CCDC149: variants seen among roughly 807,000 people sequenced by gnomAD.
CCDC149 encodes coiled-coil domain containing 149.
In CCDC149, 45 loss-of-function variants were observed where a neutral mutation model predicts 59.9. The observed-to-expected ratio is 0.75, with a 90% CI of 0.59 to 0.96. The LOEUF (loss-of-function observed/expected upper bound fraction) is 0.96. Ranked by LOEUF, CCDC149 falls within the 40% of genes least tolerant of loss-of-function variation. The probability of loss-of-function intolerance (pLI) is 0.00; values close to 1 mark genes in which losing one functional copy is unlikely to be tolerated. For synonymous variants in CCDC149, 245 were observed against 260.6 expected (o/e 0.94, Z 0.58); for missense variants, 584 against 664.7 (o/e 0.88, Z 1.33).
intron 1 of CCDC149, among the ~76,000 whole-genome samples, chr4:24,890,326 C>T (rs1329592233): frequency 1.3e-5 from 2 of 152,124 alleles, no homozygotes; most frequent in Non-Finnish European, 2.9e-5. Context: ...CCCCCCTTTA[C>T]AGGCGAAGAA....
intron 2 of CCDC149, 125 bp downstream of exon 2, chr4:24,876,411 T>C (rs1719442778): frequency 1.9e-6 from 2 of 1,033,114 alleles, no homozygotes; most frequent in Non-Finnish European, 2.8e-6. Flanking sequence ...TGACTTTTAC[T>C]TCTAAATTTT....
At chr4:24,906,401 T>TTTTATTTATTTTATTTTATTTTATTTTA (rs58407964) in intron 1 of CCDC149, among the ~76,000 whole-genome samples, 3 of 102,108 alleles carry the variant, frequency 2.9e-5, no homozygotes, top group South Asian at 3.6e-4. Context: ...TTTTATTTTA[T>TTTTATTTATTTTATTTTATTTTATTTTA]TTTATTTTAC....
chr4:24,833,865 T>C (rs978277542), intron 8 of CCDC149, among the ~76,000 whole-genome samples: 72 of 152,226 alleles, frequency 4.7e-4, no homozygotes, highest in African/African-American at 1.7e-3. Context: ...TGTTTACTAA[T>C]ACCAACAGAT....
At chr4:24,894,020 C>A (rs1335679290) in intron 1 of CCDC149, among the ~76,000 whole-genome samples, 1 of 152,268 alleles carries the variant, frequency 6.6e-6, no homozygotes, top group Non-Finnish European at 1.5e-5. Context: ...AGAATAGGAA[C>A]AACACAGACT....
intron 1 of CCDC149, among the ~76,000 whole-genome samples, chr4:24,957,157 A>G (rs760041521): frequency 1.3e-5 from 2 of 152,220 alleles, no homozygotes; most frequent in Non-Finnish European, 1.5e-5. Flanking sequence ...CTGACCATGA[A>G]GTATCATGTG....
chr4:24,937,269 A>G (rs1722810988), intron 1 of CCDC149, among the ~76,000 whole-genome samples: 1 of 152,232 alleles, frequency 6.6e-6, no homozygotes, highest in African/African-American at 2.4e-5. Context: ...CTTTTGTAGC[A>G]TAAATAGTCT....
intron 1 of CCDC149, among the ~76,000 whole-genome samples, chr4:24,938,594 G>A (rs1722851277): frequency 6.6e-6 from 1 of 152,196 alleles, no homozygotes; most frequent in African/African-American, 2.4e-5. Context: ...AGCAGGGCGA[G>A]GAATCACTTC....
chr4:24,876,173 G>C (rs1031684695), intron 2 of CCDC149, among the ~76,000 whole-genome samples: 7 of 151,984 alleles, frequency 4.6e-5, no homozygotes, highest in African/African-American at 1.5e-4. Flanking sequence ...ACTATCTGTG[G>C]TTTCAGGCAT....
chr4:24,873,543 G>A, intron 3 of CCDC149, 138 bp downstream of exon 3: 1 of 695,786 alleles, frequency 1.4e-6, no homozygotes, highest in East Asian at 2.7e-5. Flanking sequence ...TTTGCAGTTG[G>A]AATCTCTACC....
intron 1 of CCDC149, among the ~76,000 whole-genome samples, chr4:24,908,133 G>A (rs891369770): frequency 4.6e-5 from 7 of 152,186 alleles, no homozygotes; most frequent in Non-Finnish European, 7.3e-5. Context: ...AGGTGTTTGT[G>A]TGGTGGCAGT....
intron 1 of CCDC149, among the ~76,000 whole-genome samples, chr4:24,931,182 ATG>A (rs1212438542): frequency 2.0e-5 from 3 of 150,414 alleles, no homozygotes; most frequent in African/African-American, 7.3e-5. Flanking sequence ...ATATATGTAT[ATG>A]TGTGTATATA....
intron 1 of CCDC149, among the ~76,000 whole-genome samples, chr4:24,891,244 G>A (rs1720513866): frequency 6.6e-6 from 1 of 152,210 alleles, no homozygotes; most frequent in South Asian, 2.1e-4. Context: ...ACATTGGTGG[G>A]TGTATAATCC....
chr4:24,904,516 G>A (rs1721360721), intron 1 of CCDC149, among the ~76,000 whole-genome samples: 1 of 152,130 alleles, frequency 6.6e-6, no homozygotes, highest in South Asian at 2.1e-4. Context: ...AGACAGGTGT[G>A]GACATGTGTC....
At chr4:24,969,690 G>T (rs1050143994) in intron 1 of CCDC149, among the ~76,000 whole-genome samples, 41 of 152,168 alleles carry the variant, frequency 2.7e-4, no homozygotes, top group African/African-American at 9.4e-4. Context: ...CCACTCAGTT[G>T]CAGATACATT....
At chr4:24,895,134 C>T (rs1560242628) in intron 1 of CCDC149, 4 of 884,374 alleles carry the variant, frequency 4.5e-6, no homozygotes, top group Non-Finnish European at 7.2e-6. Context: ...AATAAGAACA[C>T]GTTATAAAAA....
chr4:24,967,239 G>T (rs1441868659), intron 1 of CCDC149, among the ~76,000 whole-genome samples: 4 of 152,202 alleles, frequency 2.6e-5, no homozygotes, highest in Non-Finnish European at 5.9e-5. Flanking sequence ...CCACAACCAC[G>T]ATGGGTTACT....
intron 4 of CCDC149, among the ~76,000 whole-genome samples, chr4:24,842,694 G>A (rs1036016699): frequency 6.6e-6 from 1 of 152,132 alleles, no homozygotes; most frequent in African/African-American, 2.4e-5. Flanking sequence ...GTGGTAAAAC[G>A]GCTTCTGGGT....
chr4:24,960,858 A>C (rs1410872889), intron 1 of CCDC149, among the ~76,000 whole-genome samples: 1 of 152,228 alleles, frequency 6.6e-6, no homozygotes, highest in Non-Finnish European at 1.5e-5. Flanking sequence ...ACAGAAAATC[A>C]GTAGAGATGT....
rs551917286 is a variant in CCDC149 at position 24,970,475 on chromosome 4, G to C, written c.-65+9594C>G. 2.6e-5 allele frequency among the ~76,000 whole-genome samples: 4 copies of C among 152,242 alleles called. No individual in the cohort carries two copies. The East Asian group carries it at 5.8e-4, about 22-fold the overall frequency. ...TTTATGATGGGTGGGGCTGGCTACT[G>C]GGGGGACGTGTAGTACCTCCAGCCC... On this transcript the variant is annotated intron_variant, in intron 1 of 12. Transcript: ENST00000389609.
Sources: gnomAD v4.1 joint callset for allele counts (sites outside exome capture counted in the v4.1 genomes callset) on GRCh38, gnomAD v4.1.1 for gene constraint, MANE v1.5 for transcripts, NCBI Gene and HGNC (gene_info 2026-07-23, HGNC 2026-07-21) for gene names.